The following MYH8 variants were observed in gnomAD, a reference collection of about 807,000 sequenced individuals.
The protein encoded by MYH8 is myosin heavy chain 8.
Under a neutral mutation model 233.2 loss-of-function variants are expected in MYH8, and 168 were observed. The ratio of observed to expected loss-of-function variants is 0.72; its 90% confidence interval spans 0.64 to 0.82. The LOEUF (loss-of-function observed/expected upper bound fraction) is 0.82. MYH8 is among the 40% of genes least tolerant of loss of function. MYH8 has a pLI of 0.00. For missense variants in MYH8, 1,995 were observed against 2,327.8 expected, an observed-to-expected ratio of 0.86 and a Z score of 2.94; for synonymous variants, 785 against 850.6, an observed-to-expected ratio of 0.92 and a Z score of 1.34.
At chr17:10,394,961 A>G (rs1382735758) in intron 34 of MYH8, among the ~76,000 whole-genome samples, 172 bp downstream of exon 34, 1 of 152,226 alleles carries the variant, frequency 6.6e-6, no homozygotes. Flanking sequence ...GTTCTTCTAC[A>G]TAACATTTTC....
chr17:10,397,713 T>G (rs1419801790), intron 30 of MYH8, among the ~76,000 whole-genome samples: 1 of 152,250 alleles, frequency 6.6e-6, no homozygotes, highest in Admixed American at 6.5e-5. Flanking sequence ...GATATTTTAC[T>G]GGCCAGAAAT....
rs1417471179 is a variant in MYH8, at chr17:10,410,935, C to A, written c.1429G>T (p.Glu477Ter). Residue 477 changes from glutamate (E) to a stop codon, truncating the protein, a stop_gained, in exon 15 of 40, where the codon GAG (glutamate) becomes TAG (stop). Transcript: ENST00000403437. LOFTEE classifies it high-confidence loss of function. ...GFEIFDFNSL[E>*]QLCINFTNEK... Reference sequence around the variant, plus strand: ...TTGGTGAAGTTGATGCACAGCTGCTCCAGGCTGTTAAACTACACAAAATAA... The same window carrying A: ...TTGGTGAAGTTGATGCACAGCTGCTACAGGCTGTTAAACTACACAAAATAA... The A allele has an allele frequency of 1.7e-5, 27 of 1,613,844 alleles. No individual in the cohort carries two copies. Among genetic ancestry groups the A allele is most frequent in the Non-Finnish European group, 2.2e-5 (26 of 1,179,968 alleles).
rs1488075779 is a variant in MYH8, at chr17:10,410,786, G to C, written c.1578C>G (p.Leu526=). Residue 526 remains leucine (L), a synonymous_variant, in exon 15 of 40, where the codon CTC becomes CTG. Coordinates refer to ENST00000403437, the MANE Select transcript of MYH8 (RefSeq NM_002472.3). ...TGGAAACCAAACCGACCTTCTCAAT[G>C]AGCTCAATGCAGGCAGCCAGGTCCA... ...FGMDLAACIE[L]IEKPLGIFSI... is the part of the protein sequence containing the mutation. 6.2e-7 allele frequency: 1 copy of C among 1,613,922 alleles called. No homozygotes were observed. Among genetic ancestry groups the C allele is most frequent in the Admixed American group, 1.7e-5 (1 of 60,010 alleles).
rs1413788831 is a variant in MYH8, at chr17:10,396,192, C to A, written c.4653+138G>T. On this transcript the variant is annotated intron_variant, in intron 33 of 39. Transcript: ENST00000403437. This position sits in a 1 kb window ranked among gnomAD's most constrained non-coding sequence, Gnocchi z 4.2. ...TAGAATTGATAGGTCAGAGTATTTA[C>A]ATTTTTAAGGATTTTGATAACTATT... 2 of 1,022,286 alleles carry A rather than the reference C, an allele frequency of 2.0e-6. No homozygotes were observed. The highest frequency in any genetic ancestry group is 5.2e-5 in the East Asian group (2 of 38,270). 63.3% of individuals were successfully genotyped at this position (1,022,286 alleles called of 1,614,324 possible). A position where few individuals can be genotyped will look rare whatever the true frequency, so the allele number is the denominator to read the frequency against.
rs2072105250 is a variant in MYH8, at chr17:10,398,902, A to C, written c.3863-16T>G. ...GAATATTCACCTAGGAATAATAGACATAAGGGAATTTTTTACTGGCATAAA... is the reference window on the plus strand; with the variant it reads ...GAATATTCACCTAGGAATAATAGACCTAAGGGAATTTTTTACTGGCATAAA... On this transcript the variant is annotated splice_polypyrimidine_tract_variant and intron_variant, in intron 28 of 39. Transcript: ENST00000403437. 11 of 1,600,582 alleles carry C rather than the reference A, an allele frequency of 6.9e-6. No homozygotes were observed. The highest frequency in any genetic ancestry group is 9.4e-6 in the Non-Finnish European group (11 of 1,172,188).
chr17:10,415,023 A>T lies in MYH8; in HGVS notation c.805+93T>A. ...AGTACTGGCAGCAGACTACCCTTTT[A>T]ACAGGCTTCATGCACAGCAAGGGTG... On this transcript the variant is annotated intron_variant, in intron 9 of 39. Coordinates refer to ENST00000403437, the MANE Select transcript of MYH8 (RefSeq NM_002472.3). This position sits in a 1 kb window ranked among gnomAD's most constrained non-coding sequence, Gnocchi z 4.1. 6 of 1,197,288 alleles carry T rather than the reference A, an allele frequency of 5.0e-6. No individual in the cohort carries two copies. In the Admixed American group the frequency reaches 1.0e-4, roughly 20 times the overall value. The allele number at this position is 1,197,288 out of a possible 1,614,324, so 74.2% of individuals were successfully genotyped here.
rs762568851 is a variant in MYH8, at chr17:10,395,441, C to A, written c.4654G>T (p.Ala1552Ser). ...EIQAALEEAE[A>S]SLEHEEGKIL... ...TTTCCTTCTTCATGTTCAAGAGATG[C>A]CTTAACAAAACAGTGATCAATTAAT... Residue 1552 changes from alanine (A) to serine (S), a missense_variant and splice_region_variant, in exon 34 of 40, where the codon GCA (alanine) becomes TCA (serine). Physicochemically the swap from Ala to Ser is moderately conservative, Grantham distance 99. This residue lies in a region of MYH8 where 1,498 missense variants were observed against 1,680.9 expected (regional missense o/e 0.89). Transcript: ENST00000403437. The A allele has an allele frequency of 6.2e-7, 1 of 1,613,896 alleles. No homozygotes were observed. Among genetic ancestry groups the A allele is most frequent in the Non-Finnish European group, 8.5e-7 (1 of 1,179,934 alleles).
In MYH8 at chr17:10,419,850, A is replaced by C. The variant is rs904226362; in HGVS notation, c.210+168T>G. Reference sequence around the variant, plus strand: ...TCCTGTGCGAAGTTGGGAAGGGAAGACATGAAGGTACTGCTGTGAATTTCT... The same window carrying C: ...TCCTGTGCGAAGTTGGGAAGGGAAGCCATGAAGGTACTGCTGTGAATTTCT... On this transcript the variant is annotated intron_variant, in intron 3 of 39. Transcript: ENST00000403437. This position sits in a 1 kb window ranked among gnomAD's most constrained non-coding sequence, Gnocchi z 4.0. Among the ~76,000 whole-genome samples the C allele has an allele frequency of 6.6e-6, 1 of 152,194 alleles. No homozygotes were observed. The highest frequency in any genetic ancestry group is 2.4e-5 in the African/African-American group (1 of 41,450).
At position 10,398,882 on chromosome 17, in the gene MYH8, TTCACC is replaced by T; in HGVS notation, c.3863-1_3866del. 6.2e-7 allele frequency: 1 copy of T among 1,611,520 alleles called. No homozygotes were observed. The highest frequency in any genetic ancestry group is 8.5e-7 in the Non-Finnish European group (1 of 1,179,402). The stretch of plus-strand genomic sequence containing the variant: ...CTTTCTCATCTAATTGTCGAGAATA[TTCACC>T]TAGGAATAATAGACATAAGGGAATT... On this transcript the variant is annotated splice_acceptor_variant and coding_sequence_variant, in exon 29 of 40. Coordinates refer to ENST00000403437, the MANE Select transcript of MYH8 (RefSeq NM_002472.3). LOFTEE classifies it high-confidence loss of function.
intron 30 of MYH8, among the ~76,000 whole-genome samples, chr17:10,397,243 A>G (rs987263738): frequency 6.6e-6 from 1 of 151,978 alleles, no homozygotes; most frequent in Non-Finnish European, 1.5e-5. Context: ...TGCCCAGCTA[A>G]TTTTTGTATA....
intron 12 of MYH8, among the ~76,000 whole-genome samples, chr17:10,413,254 G>A (rs2072260571): frequency 1.3e-5 from 2 of 152,174 alleles, no homozygotes; most frequent in African/African-American, 2.4e-5. Context: ...AATGCCACAT[G>A]TCAGGTACAC....
rs749525882 is a variant in MYH8 at position 10,401,601 on chromosome 17, T to G, written c.2873A>C (p.Asp958Ala). 6.2e-7 allele frequency: 1 copy of G among 1,614,074 alleles called. No individual in the cohort carries two copies. Among genetic ancestry groups the G allele is most frequent in the Non-Finnish European group, 8.5e-7 (1 of 1,180,058 alleles). ...CTTGGCCAGTGTCAGCTCAAGGTCA[T>G]CAATGTCTTTCTTGAGTTCTGAACA... ...DECSELKKDI[D>A]DLELTLAKVE... is the part of the protein sequence containing the mutation. Residue 958 changes from aspartate to alanine, a missense_variant, in exon 23 of 40, where the codon GAT becomes GCT. Transcript: ENST00000403437.
chr17:10,394,645 A>G (rs1049271785), intron 34 of MYH8, among the ~76,000 whole-genome samples, 193 bp from the exon 35 acceptor site: 14 of 152,284 alleles, frequency 9.2e-5, no homozygotes, highest in African/African-American at 2.9e-4. Flanking sequence ...TTCTTGTTCT[A>G]TTTCTACCAT....
At position 10,399,628 on chromosome 17, in the gene MYH8, C is replaced by G; in HGVS notation, c.3777G>C (p.Val1259=). Residue 1259 remains valine, a synonymous_variant, in exon 28 of 40, where the codon GTG becomes GTC. Coordinates refer to ENST00000403437, the MANE Select transcript of MYH8 (RefSeq NM_002472.3). ...CCTCTTCCTTGGTCTTAAGCTCACT[C>G]ACTTGATCTTCTAGAGAGCGGCACA... ...EKMCRSLEDQ[V]SELKTKEEEQ... 1 of 1,614,146 alleles carries G rather than the reference C, an allele frequency of 6.2e-7. No individual in the cohort carries two copies. Among genetic ancestry groups the G allele is most frequent in the Non-Finnish European group, 8.5e-7 (1 of 1,180,030 alleles).
rs2072103777 is a variant in MYH8, at chr17:10,398,770, T to C, written c.3979A>G (p.Lys1327Glu). 1.2e-6 allele frequency: 2 copies of C among 1,613,932 alleles called. No individual in the cohort carries two copies. The highest frequency in any genetic ancestry group is 3.3e-5 in the Admixed American group (2 of 60,010). Reference protein sequence around the residue: ...ELKHQLEEETKAKNALAHALQ... With the variant: ...ELKHQLEEETEAKNALAHALQ... ...AAAAAATCCTTGGCAAAACTCACTTTAGTTTCTTCCTCTAGTTGATGTTTC... is the reference window on the plus strand; with the variant it reads ...AAAAAATCCTTGGCAAAACTCACTTCAGTTTCTTCCTCTAGTTGATGTTTC... The change falls in exon 29 of 40, where the codon AAA (lysine) becomes GAA (glutamate). Residue 1327 changes from lysine to glutamate, a missense_variant and splice_region_variant. This residue lies in a region of MYH8 where 1,498 missense variants were observed against 1,680.9 expected (regional missense o/e 0.89). Transcript: ENST00000403437.
At chr17:10,418,183 G>A (rs2072304371) in intron 5 of MYH8, among the ~76,000 whole-genome samples, 1 of 152,188 alleles carries the variant, frequency 6.6e-6, no homozygotes, top group Non-Finnish European at 1.5e-5. Context: ...TACCCTTAAA[G>A]GCTGGCAATA....
In MYH8 at chr17:10,390,420, T is replaced by C; in HGVS notation, c.*34A>G. 1 of 1,612,490 alleles carries C rather than the reference T, an allele frequency of 6.2e-7. No individual in the cohort carries two copies. The highest frequency in any genetic ancestry group is 1.3e-5 in the African/African-American group (1 of 75,014). On this transcript the variant is annotated 3_prime_UTR_variant, in exon 40 of 40. Transcript: ENST00000403437. ...CCAAAAATAGCACATTTTGTGCCTTTCTTCAGCCTCTTGATAGCATCAGGC... is the reference window on the plus strand; with the variant it reads ...CCAAAAATAGCACATTTTGTGCCTTCCTTCAGCCTCTTGATAGCATCAGGC...
At position 10,420,017 on chromosome 17, in the gene MYH8, C is replaced by G; in HGVS notation, c.210+1G>C. The stretch of plus-strand genomic sequence containing the variant: ...AGTATTTTCTCCCTGTTTTCACTTA[C>G]TGCTCCACCTTCAGTCTTTACGGTT... On this transcript the variant is annotated splice_donor_variant, in intron 3 of 39. Coordinates refer to ENST00000403437, the MANE Select transcript of MYH8 (RefSeq NM_002472.3). LOFTEE classifies it high-confidence loss of function. 6.2e-7 allele frequency: 1 copy of G among 1,613,800 alleles called. No homozygotes were observed. The highest frequency in any genetic ancestry group is 8.5e-7 in the Non-Finnish European group (1 of 1,179,696).
intron 22 of MYH8, among the ~76,000 whole-genome samples, chr17:10,402,601 A>C (rs1390974255): frequency 6.6e-6 from 1 of 151,838 alleles, no homozygotes; most frequent in Non-Finnish European, 1.5e-5. Context: ...CTAAACACAC[A>C]CATAGACACA....
Sources: gnomAD v4.1 joint callset for allele counts (sites outside exome capture counted in the v4.1 genomes callset) on GRCh38, gnomAD v4.1.1 for gene constraint, gnomAD v4.1.1 regional missense constraint, Gnocchi (gnomAD v3.1) non-coding constraint, MANE v1.5 for transcripts, NCBI Gene and HGNC (gene_info 2026-07-23, HGNC 2026-07-21) for gene names.